The following GRXCR1 variants were observed in gnomAD, a reference collection of about 807,000 sequenced individuals.
GRXCR1 encodes the protein glutaredoxin and cysteine rich domain containing 1.
GRXCR1 carries 27 observed loss-of-function variants against 27.3 expected under a neutral mutation model. That is an observed-to-expected ratio of 0.99 (90% confidence interval 0.73 to 1.37). The LOEUF is 1.37. Among genes scored for constraint, GRXCR1 ranks in the 40% most tolerant of loss-of-function variants. The pLI is 0.00. For synonymous variants in GRXCR1, 122 were observed against 131.1 expected, an observed-to-expected ratio of 0.93 and a Z score of 0.47; for missense variants, 379 against 354.4, an observed-to-expected ratio of 1.07 and a Z score of -0.56.
chr4:42,971,704 G>A (rs1310204262), intron 2 of GRXCR1, among the ~76,000 whole-genome samples: 1 of 151,762 alleles, frequency 6.6e-6, no homozygotes, highest in African/African-American at 2.4e-5. Context: ...TGACCCATGG[G>A]AATTACAATT....
At chr4:42,966,548 C>T (rs971315430) in intron 2 of GRXCR1, among the ~76,000 whole-genome samples, 5 of 152,062 alleles carry the variant, frequency 3.3e-5, no homozygotes, top group Admixed American at 3.3e-4. Flanking sequence ...ACTAGAAACA[C>T]AAACTGTAGG....
rs1309149300 is a variant in GRXCR1 at position 42,963,150 on chromosome 4, A to G, written c.627+16A>G. 4 of 1,611,984 alleles carry G rather than the reference A, an allele frequency of 2.5e-6. No homozygotes were observed. Among genetic ancestry groups the G allele is most frequent in the Admixed American group, 1.7e-5 (1 of 59,910 alleles). On this transcript the variant is annotated intron_variant, in intron 2 of 3. Transcript: ENST00000399770. ...TTACCTTGGGGTAAGTAAGCTGCCC[A>G]GGAAAGTCTTTTTCATAGAACCCAA... is the stretch of plus-strand genomic sequence containing the variant.
chr4:42,947,697 G>A (rs549892712), intron 1 of GRXCR1, among the ~76,000 whole-genome samples: 1 of 152,264 alleles, frequency 6.6e-6, no homozygotes, highest in African/African-American at 2.4e-5. Flanking sequence ...AGCAGAGTCT[G>A]CTTTCCTTTC....
At chr4:42,932,654 AGAGAGAGAG>A (rs1431805065) in intron 1 of GRXCR1, among the ~76,000 whole-genome samples, 6 of 135,408 alleles carry the variant, frequency 4.4e-5, no homozygotes, top group African/African-American at 1.6e-4. Context: ...AGAGAGAGAG[AGAGAGAGAG>A]AGGCAATCTG....
At chr4:42,992,408 C>G (rs1404467660) in intron 2 of GRXCR1, among the ~76,000 whole-genome samples, 2 of 152,072 alleles carry the variant, frequency 1.3e-5, no homozygotes, top group African/African-American at 2.4e-5. Context: ...AATTAGAACA[C>G]AGATGATAAT....
At chr4:42,975,512 G>A (rs1391074129) in intron 2 of GRXCR1, among the ~76,000 whole-genome samples, 1 of 152,040 alleles carries the variant, frequency 6.6e-6, no homozygotes, top group African/African-American at 2.4e-5. Flanking sequence ...CCTAATAAAG[G>A]ACTCTTTCCA....
chr4:42,945,621 A>T (rs1214462590), intron 1 of GRXCR1, among the ~76,000 whole-genome samples: 1 of 152,138 alleles, frequency 6.6e-6, no homozygotes, highest in Non-Finnish European at 1.5e-5. Context: ...TGAGCTCTAC[A>T]GAGGGTGGTT....
In GRXCR1 at chr4:43,028,884, A is replaced by T. The variant is rs562149480; in HGVS notation, c.694-1477A>T. On this transcript the variant is annotated intron_variant, in intron 3 of 3. Transcript: ENST00000399770. Reference sequence around the variant, plus strand: ...TTTAAATCTCTACAGTCTTGACAAAATTAATTGTTTGTTTTATTCAGATTG... The same window carrying T: ...TTTAAATCTCTACAGTCTTGACAAATTTAATTGTTTGTTTTATTCAGATTG... Among the ~76,000 whole-genome samples, 30 of 152,298 alleles carry T rather than the reference A, an allele frequency of 2.0e-4. 3 individuals are homozygous for T. Among genetic ancestry groups the T allele is most frequent in the South Asian group, 1.7e-3 (8 of 4,830 alleles).
At chr4:42,955,848 G>T (rs928071905) in intron 1 of GRXCR1, among the ~76,000 whole-genome samples, 47 of 152,212 alleles carry the variant, frequency 3.1e-4, no homozygotes, top group South Asian at 8.3e-4. Flanking sequence ...TGCGAGGCTA[G>T]AGCTAAAAAG....
chr4:43,016,771 G>A (rs931430400), intron 2 of GRXCR1, among the ~76,000 whole-genome samples: 1 of 152,100 alleles, frequency 6.6e-6, no homozygotes, highest in South Asian at 2.1e-4. Context: ...GAGTACGGTA[G>A]CACACTTACA....
At chr4:43,029,823 A>G (rs143135938) in intron 3 of GRXCR1, among the ~76,000 whole-genome samples, 44 of 152,330 alleles carry the variant, frequency 2.9e-4, no homozygotes, top group Non-Finnish European at 5.4e-4. Context: ...GATTCTATAC[A>G]AAAATGCATT....
intron 1 of GRXCR1, among the ~76,000 whole-genome samples, chr4:42,910,610 A>T (rs1454661955): frequency 6.6e-6 from 1 of 152,072 alleles, no homozygotes; most frequent in Non-Finnish European, 1.5e-5. Flanking sequence ...ACTGCGCATA[A>T]AACTGTTTAT....
At chr4:42,983,783 C>G (rs1464618008) in intron 2 of GRXCR1, among the ~76,000 whole-genome samples, 1 of 150,086 alleles carries the variant, frequency 6.7e-6, no homozygotes, top group Non-Finnish European at 1.5e-5. Flanking sequence ...TTTCTTTTTT[C>G]TCCTCTAAGT....
intron 2 of GRXCR1, among the ~76,000 whole-genome samples, chr4:42,971,076 A>G (rs892017503): frequency 3.3e-5 from 5 of 152,158 alleles, no homozygotes; most frequent in Non-Finnish European, 5.9e-5. Context: ...GGGCAGGGGA[A>G]AGATGCCACC....
In GRXCR1 at chr4:43,028,111, CA is replaced by C. The variant is rs1381472720; in HGVS notation, c.694-2237del. ...TGGGTAACAGAGTGAGACTCCGTCT[CA>C]AAAAAAAAAAAAGAGATGTTGAAAT... On this transcript the variant is annotated intron_variant, in intron 3 of 3. Transcript: ENST00000399770. Among the ~76,000 whole-genome samples the C allele has an allele frequency of 8.6e-3, 1,035 of 120,556 alleles. 9 individuals are homozygous for C. Among genetic ancestry groups the C allele is most frequent in the African/African-American group, 0.021 (687 of 32,926 alleles). The allele number at this position is 120,556 out of a possible 152,430, so 79.1% of individuals were successfully genotyped here.
chr4:42,962,885 C>T lies in GRXCR1; in HGVS notation c.385-7C>T, dbSNP rs748066741. 15 of 1,612,230 alleles carry T rather than the reference C, an allele frequency of 9.3e-6. No homozygotes were observed. Among genetic ancestry groups the T allele is most frequent in the African/African-American group, 1.3e-5 (1 of 74,894 alleles). On this transcript the variant is annotated splice_polypyrimidine_tract_variant and splice_region_variant and intron_variant, in intron 1 of 3. Coordinates refer to ENST00000399770, the MANE Select transcript of GRXCR1 (RefSeq NM_001080476.3). ...AACATTCTTACAACTCAATGTTTTC[C>T]CTTCAGCAACCATCAACTGATCTAG...
At chr4:42,932,621 G>C (rs4036080) in intron 1 of GRXCR1, among the ~76,000 whole-genome samples, 2 of 22,116 alleles carry the variant, frequency 9.0e-5, no homozygotes, top group East Asian at 1.9e-3. Context: ...TATATATATA[G>C]AGAGAGAGAG....
At chr4:43,026,698 C>T (rs1277275240) in intron 3 of GRXCR1, among the ~76,000 whole-genome samples, 2 of 152,024 alleles carry the variant, frequency 1.3e-5, no homozygotes, top group East Asian at 3.9e-4. Flanking sequence ...ATAAAGAGAC[C>T]TCTTCAATAT....
intron 2 of GRXCR1, among the ~76,000 whole-genome samples, chr4:42,971,393 A>G (rs1420709248): frequency 6.6e-6 from 1 of 152,146 alleles, no homozygotes; most frequent in Non-Finnish European, 1.5e-5. Flanking sequence ...ACACTGCTAT[A>G]AAGAACTACC....
Sources: gnomAD v4.1 joint callset for allele counts (sites outside exome capture counted in the v4.1 genomes callset) on GRCh38, gnomAD v4.1.1 for gene constraint, MANE v1.5 for transcripts, NCBI Gene and HGNC (gene_info 2026-07-23, HGNC 2026-07-21) for gene names.